The following NLGN1 variants were observed in gnomAD, a reference collection of about 807,000 sequenced individuals.
NLGN1 encodes neuroligin-1.
A neutral mutation model predicts 65.5 loss-of-function variants in NLGN1; 12 were observed. That is an observed-to-expected ratio of 0.18 (90% CI 0.12 to 0.30). The LOEUF (loss-of-function observed/expected upper bound fraction) is 0.30. Among genes scored for constraint, NLGN1 ranks in the 10% least tolerant of loss-of-function variants. The probability of loss-of-function intolerance (pLI) is 1.00; values close to 1 mark genes in which losing one functional copy is unlikely to be tolerated. For synonymous variants in NLGN1, 350 were observed against 359.5 expected (o/e 0.97, Z 0.30); for missense variants, 750 against 1,007.1 (o/e 0.74, Z 3.46).
At chr3:173,761,783 G>A (rs1293282511) in intron 3 of NLGN1, among the ~76,000 whole-genome samples, 1 of 151,928 alleles carries the variant, frequency 6.6e-6, no homozygotes, top group Non-Finnish European at 1.5e-5. Context: ...TGTAGCCTTT[G>A]TTCTCTGATT....
At chr3:174,098,945 T>G (rs749662117) in intron 4 of NLGN1, among the ~76,000 whole-genome samples, 37 of 152,170 alleles carry the variant, frequency 2.4e-4, no homozygotes, top group Non-Finnish European at 4.6e-4. Flanking sequence ...GATTTTAGCT[T>G]TGTTAACTTA....
intron 3 of NLGN1, among the ~76,000 whole-genome samples, chr3:173,692,762 A>G (rs752311181): frequency 6.6e-6 from 1 of 152,140 alleles, no homozygotes; most frequent in Non-Finnish European, 1.5e-5. Flanking sequence ...TTTTTGCAAT[A>G]TACTTAGAAG....
intron 3 of NLGN1, among the ~76,000 whole-genome samples, chr3:173,640,471 A>T (rs930538894): frequency 6.6e-6 from 1 of 152,148 alleles, no homozygotes; most frequent in Non-Finnish European, 1.5e-5. Flanking sequence ...AAACTAACAG[A>T]TAGCAGGACA....
At chr3:173,842,706 C>A (rs902424056) in intron 4 of NLGN1, among the ~76,000 whole-genome samples, 1 of 152,216 alleles carries the variant, frequency 6.6e-6, no homozygotes, top group Admixed American at 6.5e-5. Flanking sequence ...TGGTCTTGGG[C>A]AGCTCCGCCC....
At chr3:173,448,376 A>G (rs922898681) in intron 2 of NLGN1, among the ~76,000 whole-genome samples, 7 of 152,086 alleles carry the variant, frequency 4.6e-5, no homozygotes, top group African/African-American at 1.2e-4. Flanking sequence ...ATTGATTTTC[A>G]TATGTTGAAC....
chr3:174,232,745 G>T (rs1740961043), intron 4 of NLGN1, among the ~76,000 whole-genome samples: 1 of 152,152 alleles, frequency 6.6e-6, no homozygotes, highest in South Asian at 2.1e-4. Context: ...GAGAAAGGAA[G>T]ATTTTGGCTA....
rs773314392 is a variant in NLGN1, at chr3:174,107,017, C to CACAG, written c.647-168297_647-168296insCAGA. On this transcript the variant is annotated intron_variant, in intron 4 of 6. Coordinates refer to ENST00000457714, the Ensembl canonical transcript of NLGN1. The stretch of plus-strand genomic sequence containing the variant: ...ACACACACACACACACACACACACA[C>CACAG]AGAGAGAGAGAGAGAGAGAGAGAGA... Among the ~76,000 whole-genome samples the CACAG allele has an allele frequency of 6.2e-3, 602 of 97,690 alleles. 6 individuals carry two copies. The highest frequency in any genetic ancestry group is 0.02 in the Middle Eastern group (3 of 150). 64.1% of individuals were successfully genotyped at this position (97,690 alleles called of 152,430 possible). A position where few individuals can be genotyped will look rare whatever the true frequency, so the allele number is the denominator to read the frequency against.
chr3:173,585,586 G>A (rs949304714), intron 2 of NLGN1, among the ~76,000 whole-genome samples: 4 of 152,136 alleles, frequency 2.6e-5, no homozygotes, highest in Non-Finnish European at 5.9e-5. Flanking sequence ...TGGGTGGCTG[G>A]CCACACATGT....
intron 3 of NLGN1, among the ~76,000 whole-genome samples, chr3:173,637,040 G>A (rs999038955): frequency 3.9e-5 from 6 of 152,084 alleles, no homozygotes; most frequent in Admixed American, 3.9e-4. Flanking sequence ...TTGTCTCCTT[G>A]TGTTAGTCTT....
chr3:174,081,634 T>C lies in NLGN1; in HGVS notation c.647-193681T>C, dbSNP rs1413309435. On this transcript the variant is annotated intron_variant, in intron 4 of 6. Coordinates refer to ENST00000457714, the Ensembl canonical transcript of NLGN1. ...TTTTTTTTGAGACAGAGTTTCGCTC[T>C]TGTTGCCCAATGGCATGATCTTGGC... 2.0e-5 allele frequency among the ~76,000 whole-genome samples: 3 copies of C among 150,768 alleles called. No homozygotes were observed. In the East Asian group the frequency reaches 6.0e-4, roughly 30 times the overall value.
At chr3:174,209,000 C>T (rs893051356) in intron 4 of NLGN1, among the ~76,000 whole-genome samples, 3 of 152,040 alleles carry the variant, frequency 2.0e-5, no homozygotes, top group South Asian at 2.1e-4. Context: ...CTAGGCTCAC[C>T]GCAGCCTCTG....
intron 4 of NLGN1, among the ~76,000 whole-genome samples, chr3:173,831,767 G>A (rs958101016): frequency 6.6e-6 from 1 of 151,986 alleles, no homozygotes; most frequent in Non-Finnish European, 1.5e-5. Context: ...AAGTGAGAAT[G>A]CTTGATTTAG....
chr3:173,862,598 C>T (rs565411641), intron 4 of NLGN1, among the ~76,000 whole-genome samples: 6 of 148,578 alleles, frequency 4.0e-5, no homozygotes, highest in Non-Finnish European at 5.9e-5. Context: ...ATAGAGGGTA[C>T]GCATATATGT....
At chr3:174,005,222 A>G (rs1724117046) in intron 4 of NLGN1, among the ~76,000 whole-genome samples, 2 of 152,166 alleles carry the variant, frequency 1.3e-5, no homozygotes, top group South Asian at 2.1e-4. Context: ...CTTGAATTGT[A>G]TGTCCCATTA....
chr3:174,000,428 G>A (rs1010263421), intron 4 of NLGN1, among the ~76,000 whole-genome samples: 4 of 151,926 alleles, frequency 2.6e-5, no homozygotes, highest in Admixed American at 6.6e-5. Flanking sequence ...AATAGTTTTC[G>A]CAAGCAGACA....
Position 173,691,310 on chromosome 3 carries a change from C to T in NLGN1, c.493+86219C>T, listed in dbSNP as rs13317626. ...TGATTCAAGCCAATGCGTTCTCTCT[C>T]TCTTTCTGTCTCTCTGTTTCTCCAT... On this transcript the variant is annotated intron_variant, in intron 3 of 6. Transcript: ENST00000457714. 4.7e-3 allele frequency among the ~76,000 whole-genome samples: 717 copies of T among 152,122 alleles called. 8 individuals are homozygous for T. The highest frequency in any genetic ancestry group is 0.017 in the African/African-American group (688 of 41,478).
intron 2 of NLGN1, among the ~76,000 whole-genome samples, chr3:173,448,696 C>G (rs1261202662): frequency 6.6e-6 from 1 of 152,002 alleles, no homozygotes; most frequent in Non-Finnish European, 1.5e-5. Context: ...TGGTCCTGGG[C>G]TTTTTTTGGT....
intron 2 of NLGN1, among the ~76,000 whole-genome samples, chr3:173,506,376 T>A (rs1400459617): frequency 6.6e-6 from 1 of 152,066 alleles, no homozygotes; most frequent in East Asian, 1.9e-4. Flanking sequence ...TTATTTTAGT[T>A]TTTTTTAACT....
intron 3 of NLGN1, among the ~76,000 whole-genome samples, chr3:173,627,750 A>G (rs1419090599): frequency 2.0e-5 from 3 of 152,000 alleles, no homozygotes; most frequent in Non-Finnish European, 1.5e-5. Context: ...TAGCAAATGA[A>G]AGTACCTTTT....
Sources: gnomAD v4.1 joint callset for allele counts (sites outside exome capture counted in the v4.1 genomes callset) on GRCh38, gnomAD v4.1.1 for gene constraint, MANE v1.5 for transcripts, NCBI Gene and HGNC (gene_info 2026-07-23, HGNC 2026-07-21) for gene names.